The following KDM3B variants were observed in gnomAD, a reference collection of about 807,000 sequenced individuals.
The protein encoded by KDM3B is lysine-specific demethylase 3B.
A neutral mutation model predicts 170.0 loss-of-function variants in KDM3B; 10 were observed. The ratio of observed to expected loss-of-function variants is 0.06; its 90% confidence interval spans 0.04 to 0.10. The LOEUF is 0.10. Among genes scored for constraint, KDM3B ranks in the 10% least tolerant of loss-of-function variants. The probability of loss-of-function intolerance (pLI) is 1.00; values close to 1 mark genes in which losing one functional copy is unlikely to be tolerated. For missense variants in KDM3B, 1,394 were observed against 2,195.2 expected (o/e 0.64, Z 7.29); for synonymous variants, 831 against 834.8 (o/e 1.00, Z 0.08).
intron 1 of KDM3B, among the ~76,000 whole-genome samples, chr5:138,364,277 G>A (rs1761689471): frequency 6.6e-6 from 1 of 151,890 alleles, no homozygotes; most frequent in African/African-American, 2.4e-5. Flanking sequence ...AATTTTCTTG[G>A]TGCTTTTCTC....
chr5:138,371,382 G>T (rs949999206), intron 1 of KDM3B, among the ~76,000 whole-genome samples: 1 of 151,126 alleles, frequency 6.6e-6, no homozygotes, highest in African/African-American at 2.4e-5. Flanking sequence ...CTTGAGCCTA[G>T]GAAGTCGAGG....
At position 138,391,838 on chromosome 5, in the gene KDM3B, A is replaced by G; in HGVS notation, c.2206A>G (p.Ile736Val). 7.4e-6 allele frequency: 12 copies of G among 1,614,090 alleles called. No individual in the cohort carries two copies. The highest frequency in any genetic ancestry group is 1.0e-5 in the Non-Finnish European group (12 of 1,180,012). Residue 736 changes from isoleucine (I) to valine (V), a missense_variant, in exon 8 of 24, where the codon ATT (isoleucine) becomes GTT (valine). By Grantham distance (29) the Ile-to-Val change is conservative. Around this residue, in one of 19 missense-constraint regions of KDM3B, gnomAD observed 294 missense variants for 311.7 expected, o/e 0.94. Transcript: ENST00000314358. This position sits in a 1 kb window ranked among gnomAD's most constrained non-coding sequence, Gnocchi z 5.0. Reference sequence around the variant, plus strand: ...GCCCACCAGCAGCCTCACTCAGCCCATTGAGATGCCAACTCTCTCCTCTAG... The same window carrying G: ...GCCCACCAGCAGCCTCACTCAGCCCGTTGAGATGCCAACTCTCTCCTCTAG... ...SSPTSSLTQP[I>V]EMPTLSSSPT... is the part of the protein sequence containing the mutation.
intron 9 of KDM3B, among the ~76,000 whole-genome samples, chr5:138,396,558 A>C (rs1156921564): frequency 6.6e-6 from 1 of 152,148 alleles, no homozygotes; most frequent in African/African-American, 2.4e-5. Flanking sequence ...GGAGAGATTT[A>C]GTGGAGAAAT....
At chr5:138,420,460 T>C (rs1763243477) in intron 14 of KDM3B, among the ~76,000 whole-genome samples, 1 of 152,184 alleles carries the variant, frequency 6.6e-6, no homozygotes, top group Admixed American at 6.5e-5. Context: ...GAAAGATGGA[T>C]GACAACAAAA....
chr5:138,384,914 AG>A (rs1246869405), intron 6 of KDM3B, among the ~76,000 whole-genome samples: 2 of 149,762 alleles, frequency 1.3e-5, no homozygotes, highest in Admixed American at 6.6e-5. Context: ...ACTCCATCTC[AG>A]GAAAAAAAAA....
At chr5:138,430,521 T>C (rs1763503413) in intron 22 of KDM3B, 96 bp downstream of exon 22, 2 of 1,081,310 alleles carry the variant, frequency 1.8e-6, no homozygotes, top group African/African-American at 1.6e-5. Context: ...GTAGCTGGAT[T>C]GGACTGATCT....
chr5:138,389,076 G>T (rs1007309371), intron 7 of KDM3B, among the ~76,000 whole-genome samples: 1 of 152,216 alleles, frequency 6.6e-6, no homozygotes, highest in South Asian at 2.1e-4. Context: ...CTAGTTCCTT[G>T]CAGTCATGCA....
intron 1 of KDM3B, among the ~76,000 whole-genome samples, chr5:138,364,074 T>C (rs1289400207): frequency 6.6e-6 from 1 of 151,952 alleles, no homozygotes; most frequent in Non-Finnish European, 1.5e-5. Flanking sequence ...CACGCCACCA[T>C]GCCTGGCTAA....
chr5:138,357,568 G>A (rs778956945), intron 1 of KDM3B, among the ~76,000 whole-genome samples: 37 of 151,904 alleles, frequency 2.4e-4, no homozygotes, highest in Non-Finnish European at 4.3e-4. Flanking sequence ...TTGCCATGTT[G>A]CCCAGGCAGG....
In KDM3B at chr5:138,428,685, T is replaced by C. The variant is rs148383127; in HGVS notation, c.4753+599T>C. 8.3e-3 allele frequency among the ~76,000 whole-genome samples: 1,270 copies of C among 152,272 alleles called. 4 individuals carry two copies. The highest frequency in any genetic ancestry group is 0.02 in the Middle Eastern group (6 of 294). ...CTAGAAATGCTACCCTTTTCCACTT[T>C]GTAGCCTCACAAAGAGAAATGAAGA... On this transcript the variant is annotated intron_variant, in intron 20 of 23. Coordinates refer to ENST00000314358, the MANE Select transcript of KDM3B (RefSeq NM_016604.4).
intron 7 of KDM3B, among the ~76,000 whole-genome samples, chr5:138,389,283 A>G (rs942761055): frequency 2.6e-5 from 4 of 152,240 alleles, no homozygotes; most frequent in Admixed American, 2.6e-4. Context: ...GCAGAGACAG[A>G]GGCAAGCCTA....
At chr5:138,374,972 C>G (rs1255568842) in intron 2 of KDM3B, 121 bp from the exon 3 acceptor site, 5 of 626,910 alleles carry the variant, frequency 8.0e-6, no homozygotes, top group Non-Finnish European at 1.5e-5. Flanking sequence ...TATGCTTTAG[C>G]TTATCTGTAT....
chr5:138,365,552 A>G (rs1436767238), intron 1 of KDM3B, among the ~76,000 whole-genome samples: 2 of 151,872 alleles, frequency 1.3e-5, no homozygotes, highest in African/African-American at 4.8e-5. Flanking sequence ...GCCATGGCGC[A>G]TGGCCTATAC....
intron 1 of KDM3B, among the ~76,000 whole-genome samples, chr5:138,360,667 G>T (rs980376076): frequency 6.6e-6 from 1 of 150,598 alleles, no homozygotes; most frequent in African/African-American, 2.4e-5. Context: ...CACCTCCCGG[G>T]TTCAAGTGAT....
chr5:138,378,195 A>C (rs894682900), intron 4 of KDM3B, among the ~76,000 whole-genome samples: 13 of 152,176 alleles, frequency 8.5e-5, no homozygotes, highest in African/African-American at 2.9e-4. Flanking sequence ...TCTGCATTTC[A>C]TAATATACAG....
At position 138,372,695 on chromosome 5, in the gene KDM3B, T is replaced by C. The variant is rs895389600; in HGVS notation, c.214T>C (p.Cys72Arg). ...GCAGATCTTTGTAGAATTTGATGGC[T>C]GTAACTGGAAGCAACACTCCTGGGT... is the stretch of plus-strand genomic sequence containing the variant. Reference protein sequence around the residue: ...DLAIFVEFDGCNWKQHSWVKV... With the variant: ...DLAIFVEFDGRNWKQHSWVKV... Residue 72 changes from cysteine (C) to arginine (R), a missense_variant, in exon 2 of 24, where the codon TGT becomes CGT. Physicochemically the swap from Cys to Arg is radical, Grantham distance 180. Coordinates refer to ENST00000314358, the MANE Select transcript of KDM3B (RefSeq NM_016604.4). The C allele has an allele frequency of 3.7e-6, 6 of 1,613,762 alleles. No individual in the cohort carries two copies. In the African/African-American group the frequency reaches 4.0e-5, roughly 11 times the overall value.
chr5:138,418,024 G>A (rs1268829808), intron 13 of KDM3B: 1 of 152,118 alleles, frequency 6.6e-6, no homozygotes, highest in African/African-American at 2.5e-5. Context: ...GGCTCACTGA[G>A]TTGGGTTCAG....
chr5:138,361,503 G>C (rs1028153587), intron 1 of KDM3B, among the ~76,000 whole-genome samples: 10 of 152,094 alleles, frequency 6.6e-5, no homozygotes, highest in Admixed American at 4.6e-4. Context: ...GCCCCTTCCT[G>C]CTCTGCTCTA....
intron 7 of KDM3B, 54 bp from the exon 8 acceptor site, chr5:138,390,958 TC>T (rs1219470030): frequency 6.8e-7 from 1 of 1,472,162 alleles, no homozygotes; most frequent in Non-Finnish European, 9.1e-7. Flanking sequence ...AAGAAAGAGA[TC>T]ATTAGATTGT....
Sources: allele counts gnomAD v4.1 joint callset (sites outside exome capture counted in the v4.1 genomes callset), GRCh38; gene constraint gnomAD v4.1.1; regional missense constraint gnomAD v4.1.1; non-coding constraint Gnocchi (gnomAD v3.1); transcripts MANE v1.5; gene names NCBI Gene and HGNC (gene_info 2026-07-23, HGNC 2026-07-21).